The following WWC2 variants were observed in gnomAD, a reference collection of about 807,000 sequenced individuals.
The protein encoded by WWC2 is WW and C2 domain containing 2, also known as protein WWC2.
In WWC2, 101 loss-of-function variants were observed where a neutral mutation model predicts 138.5. The ratio of observed to expected loss-of-function variants is 0.73; its 90% CI spans 0.62 to 0.86. WWC2 has a LOEUF of 0.86. Ranked by LOEUF, WWC2 falls within the 40% of genes least tolerant of loss-of-function variation. WWC2 has a pLI of 0.00. For synonymous variants in WWC2, 558 were observed against 538.4 expected (o/e 1.04, Z -0.50); for missense variants, 1,420 against 1,419.4 (o/e 1.00, Z -0.01).
intron 1 of WWC2, among the ~76,000 whole-genome samples, chr4:183,148,217 A>G (rs1237507775): frequency 2.0e-5 from 3 of 152,226 alleles, no homozygotes; most frequent in Non-Finnish European, 4.4e-5. Context: ...TAAAGTACTA[A>G]TGAAAAATAC....
At position 183,119,832 on chromosome 4, in the gene WWC2, T is replaced by C. The variant is rs1035419570; in HGVS notation, c.131+20210T>C. 2.0e-5 allele frequency among the ~76,000 whole-genome samples: 3 copies of C among 152,298 alleles called. No individual in the cohort carries two copies. In the South Asian group the frequency reaches 6.2e-4, roughly 32 times the overall value. ...TTATGTGTAAATCATGGAAGTCTCT[T>C]AGTACTACGTTCATTTTCTTTCCAC... On this transcript the variant is annotated intron_variant, in intron 1 of 22. Coordinates refer to ENST00000403733, the MANE Select transcript of WWC2 (RefSeq NM_024949.6).
At chr4:183,148,274 C>T (rs545258963) in intron 1 of WWC2, among the ~76,000 whole-genome samples, 65 of 152,274 alleles carry the variant, frequency 4.3e-4, no homozygotes, top group African/African-American at 1.3e-3. Context: ...TGATATTATT[C>T]CTTATTTATA....
chr4:183,149,836 A>T (rs926448651), intron 1 of WWC2, among the ~76,000 whole-genome samples: 3 of 152,122 alleles, frequency 2.0e-5, no homozygotes, highest in South Asian at 2.1e-4. Flanking sequence ...TACTGTCTAG[A>T]TCCGTGAATT....
chr4:183,128,947 T>C (rs937627089), intron 1 of WWC2, among the ~76,000 whole-genome samples: 2 of 152,308 alleles, frequency 1.3e-5, no homozygotes, highest in African/African-American at 4.8e-5. Flanking sequence ...TACTAGTAAT[T>C]GAGTGATTTA....
Position 183,271,076 on chromosome 4 carries a change from A to G in WWC2, c.2401-4A>G, listed in dbSNP as rs755907598. On this transcript the variant is annotated splice_region_variant and splice_polypyrimidine_tract_variant and intron_variant, in intron 15 of 22. Transcript: ENST00000403733. ...TTTTTCTTTGTTTTCTTTCACTTAC[A>G]TAGGCTGGAACTCAGATCAGCCTGG... The G allele has an allele frequency of 5.1e-5, 79 of 1,542,012 alleles. No homozygotes were observed. The East Asian group carries it at 6.3e-4, about 12-fold the overall frequency.
chr4:183,122,459 A>G (rs1160229543), intron 1 of WWC2, among the ~76,000 whole-genome samples: 2 of 152,234 alleles, frequency 1.3e-5, no homozygotes, highest in Non-Finnish European at 2.9e-5. Context: ...ATTAAAGACA[A>G]AAGGGGAAAT....
intron 4 of WWC2, among the ~76,000 whole-genome samples, chr4:183,232,045 G>T (rs1560856132): frequency 6.6e-6 from 1 of 152,204 alleles, no homozygotes; most frequent in Admixed American, 6.5e-5. Flanking sequence ...ATGGAATGAA[G>T]ACAAAAGAGC....
chr4:183,270,696 G>A (rs1165791872), intron 15 of WWC2, among the ~76,000 whole-genome samples: 3 of 152,056 alleles, frequency 2.0e-5, no homozygotes, highest in African/African-American at 7.2e-5. Flanking sequence ...CCCAGGAGGT[G>A]GAGGTTGCAG....
At position 183,280,785 on chromosome 4, in the gene WWC2, T is replaced by G; in HGVS notation, c.2572T>G (p.Ser858Ala). Reference protein sequence around the residue: ...LVDSIDLDAVSALLARTSAEL... With the variant: ...LVDSIDLDAVAALLARTSAEL... ...GCTTTACATTCTTCAGGATGCAGTG[T>G]CAGCCTTACTTGCAAGAACATCAGC... The change falls in exon 17 of 23, where the codon TCA (serine) becomes GCA (alanine). Residue 858 changes from serine (S) to alanine (A), a missense_variant. Transcript: ENST00000403733. 6.2e-7 allele frequency: 1 copy of G among 1,603,956 alleles called. No homozygotes were observed. Among genetic ancestry groups the G allele is most frequent in the Non-Finnish European group, 8.5e-7 (1 of 1,175,114 alleles).
intron 4 of WWC2, among the ~76,000 whole-genome samples, chr4:183,210,233 T>C: frequency 6.6e-6 from 1 of 152,136 alleles, no homozygotes; most frequent in Non-Finnish European, 1.5e-5. Flanking sequence ...AGATCAAATA[T>C]ACTGAGATAG....
chr4:183,238,137 G>A (rs1052868731), intron 4 of WWC2, among the ~76,000 whole-genome samples: 1 of 152,094 alleles, frequency 6.6e-6, no homozygotes, highest in African/African-American at 2.4e-5. Context: ...TGGGCATCAC[G>A]GAAATGAATG....
intron 4 of WWC2, among the ~76,000 whole-genome samples, chr4:183,232,003 C>T (rs974895115): frequency 6.6e-6 from 1 of 151,970 alleles, no homozygotes; most frequent in Non-Finnish European, 1.5e-5. Flanking sequence ...AATGTGGCCT[C>T]AATAGAGAAA....
intron 1 of WWC2, among the ~76,000 whole-genome samples, chr4:183,103,447 C>T (rs558718361): frequency 1.3e-5 from 2 of 151,696 alleles, no homozygotes; most frequent in Admixed American, 1.3e-4. Flanking sequence ...CTGTCTCAGC[C>T]TCCCGAGTAG....
chr4:183,269,331 T>G, intron 15 of WWC2, 168 bp downstream of exon 15: 2 of 744,578 alleles, frequency 2.7e-6, no homozygotes, highest in South Asian at 3.1e-5. Context: ...TGGTTTCTGT[T>G]TATTCTCTTA....
chr4:183,189,583 C>G (rs899196072), intron 1 of WWC2, among the ~76,000 whole-genome samples: 1 of 152,152 alleles, frequency 6.6e-6, no homozygotes, highest in Non-Finnish European at 1.5e-5. Context: ...TCCCTGTTCT[C>G]TTAGAGCAAT....
chr4:183,233,557 G>A (rs2111294245), intron 4 of WWC2: 1 of 152,134 alleles, frequency 6.6e-6, no homozygotes, highest in South Asian at 2.1e-4. Context: ...AATGTTTTAT[G>A]TAATTTTTCT....
chr4:183,296,546 C>T (rs1443692056), intron 21 of WWC2, among the ~76,000 whole-genome samples: 1 of 152,080 alleles, frequency 6.6e-6, no homozygotes, highest in Non-Finnish European at 1.5e-5. Flanking sequence ...TGTAGTTGTT[C>T]AGTCACTAAA....
At chr4:183,172,378 T>C (rs576734497) in intron 1 of WWC2, among the ~76,000 whole-genome samples, 2 of 152,316 alleles carry the variant, frequency 1.3e-5, no homozygotes, top group South Asian at 4.1e-4. Flanking sequence ...AGCATAGATT[T>C]GTTGAGGCTT....
At chr4:183,181,812 G>GA (rs936539353) in intron 1 of WWC2, among the ~76,000 whole-genome samples, 50 of 152,244 alleles carry the variant, frequency 3.3e-4, no homozygotes, top group African/African-American at 1.1e-3. Context: ...TACATGGACT[G>GA]AAAAAATACC....
Sources: allele counts gnomAD v4.1 joint callset (sites outside exome capture counted in the v4.1 genomes callset), GRCh38; gene constraint gnomAD v4.1.1; transcripts MANE v1.5; gene names NCBI Gene and HGNC (gene_info 2026-07-23, HGNC 2026-07-21).